ASMT: variants seen among roughly 807,000 people sequenced by gnomAD.
ASMT encodes the protein acetylserotonin O-methyltransferase.
Under a neutral mutation model 41.3 loss-of-function variants are expected in ASMT, and 53 were observed. The ratio of observed to expected loss-of-function variants is 1.28; its 90% CI spans 1.03 to 1.61. The LOEUF is 1.61. ASMT is among the 40% of genes most tolerant of loss of function. The pLI is 0.00. For synonymous variants in ASMT, 231 were observed against 184.8 expected (o/e 1.25, Z -2.03); for missense variants, 531 against 441.3 (o/e 1.20, Z -1.82).
intron 5 of ASMT, 49 bp downstream of exon 5, chrX:1,629,988 T>C (rs1934711378): frequency 2.1e-6 from 3 of 1,432,402 alleles, no homozygotes; most frequent in Non-Finnish European, 3.0e-6. Context: ...TTCTGTTCTG[T>C]ATGGGGAATG....
chrX:1,635,411 C>T (rs1297721455), intron 7 of ASMT, among the ~76,000 whole-genome samples: 35 of 152,228 alleles, frequency 2.3e-4, no homozygotes, highest in Middle Eastern at 6.8e-3. Flanking sequence ...GTCAGTCTTG[C>T]GTATTTACTT....
intron 1 of ASMT, among the ~76,000 whole-genome samples, chrX:1,616,726 T>C (rs1934129895): frequency 6.6e-6 from 1 of 150,502 alleles, no homozygotes; most frequent in South Asian, 2.1e-4. Context: ...TTTTTCTTTT[T>C]GAGACAGAGT....
At chrX:1,625,687 G>A (rs1230980581) in intron 3 of ASMT, among the ~76,000 whole-genome samples, 2 of 152,012 alleles carry the variant, frequency 1.3e-5, no homozygotes, top group African/African-American at 4.8e-5. Flanking sequence ...GGACGCAGTA[G>A]CCCATGCCGG....
At chrX:1,627,321 A>G (rs35872702) in intron 3 of ASMT, among the ~76,000 whole-genome samples, 71,969 of 143,342 alleles carry the variant, frequency 0.5, 16,827 homozygotes, top group Admixed American at 0.53. Flanking sequence ...GCGAGACTCC[A>G]TCTCCTAAAA....
At chrX:1,636,807 A>T (rs1189189236) in intron 8 of ASMT, among the ~76,000 whole-genome samples, 4 of 152,244 alleles carry the variant, frequency 2.6e-5, no homozygotes, top group African/African-American at 9.6e-5. Context: ...CTTTGGTGAA[A>T]TTCTTTCAGA....
At chrX:1,616,779 G>A (rs1316297022) in intron 1 of ASMT, among the ~76,000 whole-genome samples, 1 of 151,076 alleles carries the variant, frequency 6.6e-6, no homozygotes, top group African/African-American at 2.4e-5. Context: ...CACGATCTCG[G>A]CTCACTGCAA....
chrX:1,633,118 C>G, intron 6 of ASMT, 32 bp from the exon 7 acceptor site: 1 of 1,613,910 alleles, frequency 6.2e-7, no homozygotes, highest in Non-Finnish European at 8.5e-7. Context: ...AGGTTCATCT[C>G]TGAGGGTCAA....
intron 8 of ASMT, among the ~76,000 whole-genome samples, chrX:1,641,984 T>C (rs1303241212): frequency 3.5e-5 from 5 of 143,276 alleles, no homozygotes; most frequent in Admixed American, 1.5e-4. Context: ...ACCCATCCGA[T>C]GGTTCATGAG....
chrX:1,621,640 T>G (rs1467218269), intron 1 of ASMT, among the ~76,000 whole-genome samples: 1 of 151,738 alleles, frequency 6.6e-6, no homozygotes, highest in Non-Finnish European at 1.5e-5. Context: ...TTTTATAGTT[T>G]GTGTATTATT....
intron 7 of ASMT, among the ~76,000 whole-genome samples, chrX:1,633,709 G>A (rs180898389): frequency 0.028 from 4,172 of 149,568 alleles, 215 homozygotes; most frequent in African/African-American, 0.099. Context: ...ACAGATCTCG[G>A]CTCCCTTCAA....
intron 8 of ASMT, among the ~76,000 whole-genome samples, chrX:1,638,512 G>A (rs1385075325): frequency 3.9e-3 from 1 of 256 alleles, no homozygotes; most frequent in Non-Finnish European, 5.9e-3. Context: ...CTCCTGTGAG[G>A]TCCATCCATC....
At chrX:1,636,231 A>G (rs1301614588) in intron 7 of ASMT, 1 of 708,132 alleles carries the variant, frequency 1.4e-6, no homozygotes, top group Non-Finnish European at 2.6e-6. Flanking sequence ...TGCTAGGATT[A>G]CAGGCGTGAG....
At chrX:1,616,322 C>T (rs1390854979) in intron 1 of ASMT, among the ~76,000 whole-genome samples, 2 of 151,562 alleles carry the variant, frequency 1.3e-5, no homozygotes, top group East Asian at 1.9e-4. Context: ...AGAATAACAT[C>T]GTGCTCAGTG....
rs753730662 is a variant in ASMT at position 1,627,521 on chromosome X, T to C, written c.375-182T>C. Among the ~76,000 whole-genome samples the C allele has an allele frequency of 3.3e-5, 5 of 151,342 alleles. No homozygotes were observed. The East Asian group carries it at 9.8e-4, about 30-fold the overall frequency. ...CTATAGTCCCAGCTACTCGGGAGGCTGAGGCAGGAGAATGGCGTGAACCCA... is the reference window on the plus strand; with the variant it reads ...CTATAGTCCCAGCTACTCGGGAGGCCGAGGCAGGAGAATGGCGTGAACCCA... On this transcript the variant is annotated intron_variant, in intron 3 of 8. Coordinates refer to ENST00000381241, the MANE Select transcript of ASMT (RefSeq NM_001171038.2).
At chrX:1,630,144 C>CTT (rs201165287) in intron 5 of ASMT, among the ~76,000 whole-genome samples, 4 of 151,654 alleles carry the variant, frequency 2.6e-5, no homozygotes, top group East Asian at 2.0e-4. Flanking sequence ...TTTTTCTTTT[C>CTT]TTTTTTTAAG....
intron 1 of ASMT, among the ~76,000 whole-genome samples, chrX:1,622,591 C>T (rs1488275128): frequency 6.6e-6 from 1 of 151,922 alleles, no homozygotes; most frequent in Non-Finnish European, 1.5e-5. Flanking sequence ...AGCCAGGAGA[C>T]ATTTTTAAAT....
intron 1 of ASMT, among the ~76,000 whole-genome samples, chrX:1,616,601 C>A (rs1289366352): frequency 2.0e-5 from 3 of 151,384 alleles, no homozygotes; most frequent in Non-Finnish European, 4.4e-5. Context: ...CCGGGCTCAG[C>A]GGTGACACCT....
At chrX:1,632,852 A>T in intron 6 of ASMT, 65 bp downstream of exon 6, 1 of 508,584 alleles carries the variant, frequency 2.0e-6, no homozygotes, top group Non-Finnish European at 3.6e-6. Context: ...GGGGCCTGTC[A>T]GGGCCTGGGG....
chrX:1,625,917 T>C (rs189575344), intron 3 of ASMT, among the ~76,000 whole-genome samples: 8,786 of 134,858 alleles, frequency 0.065, 902 homozygotes, highest in African/African-American at 0.23. Flanking sequence ...ATCGCACCAC[T>C]GCACTCCAGC....
Sources: allele counts gnomAD v4.1 joint callset (sites outside exome capture counted in the v4.1 genomes callset), GRCh38; gene constraint gnomAD v4.1.1; transcripts MANE v1.5; gene names NCBI Gene and HGNC (gene_info 2026-07-23, HGNC 2026-07-21).